Variants in HELZ2 observed in about 807,000 individuals in gnomAD.
HELZ2 encodes 3'-5' exoribonuclease HELZ2.
A neutral mutation model predicts 208.8 loss-of-function variants in HELZ2; 143 were observed. The ratio of observed to expected loss-of-function variants is 0.68; its 90% CI spans 0.60 to 0.79. The LOEUF (loss-of-function observed/expected upper bound fraction) is 0.79. HELZ2 is among the 30% of genes least tolerant of loss of function. HELZ2 has a pLI of 0.00. For synonymous variants in HELZ2, 1,705 were observed against 1,693.7 expected (o/e 1.01, Z -0.16); for missense variants, 3,690 against 3,794.5 (o/e 0.97, Z 0.72).
rs541545442 is a variant in HELZ2, at chr20:63,563,402, G to A, written c.5420C>T (p.Pro1807Leu). The A allele has an allele frequency of 4.9e-5, 75 of 1,535,696 alleles. 4 individuals carry two copies. In the South Asian group the frequency reaches 7.0e-4, roughly 14 times the overall value. ...CACAGTGCCAGGCAGTGGCAGGGGC[G>A]GGCTGGATCCCTGCGCTGAGTAGAC... The change falls in exon 8 of 19, where the codon CCG becomes CTG. Residue 1807 changes from proline to leucine, a missense_variant. Transcript: ENST00000467148.
chr20:63,561,834 T>C, exon 11 of HELZ2: 1 of 1,562,382 alleles, frequency 6.4e-7, no homozygotes, highest in Non-Finnish European at 8.7e-7. Flanking sequence ...TGCCAGGACA[T>C]CCACCGACTT....
At chr20:63,563,225 T>C (rs2146010523) in exon 8 of HELZ2, 7 of 1,571,468 alleles carry the variant, frequency 4.5e-6, no homozygotes, top group Non-Finnish European at 6.0e-6. Flanking sequence ...ATGGCCACAG[T>C]GGCTCCGCTG....
In HELZ2 at chr20:63,564,806, G is replaced by A. The variant is rs1233920303; in HGVS notation, c.4016C>T (p.Ala1339Val). The A allele has an allele frequency of 2.5e-6, 4 of 1,609,682 alleles. No homozygotes were observed. In the African/African-American group the frequency reaches 5.3e-5, roughly 22 times the overall value. The change falls in exon 8 of 19, where the codon GCC becomes GTC. Residue 1339 changes from alanine to valine, a missense_variant. By Grantham distance (64) the Ala-to-Val change is moderately conservative. This residue lies in a region of HELZ2 where 2,564 missense variants were observed against 2,580.5 expected (regional missense o/e 0.99). Coordinates refer to ENST00000467148, the Ensembl canonical transcript of HELZ2. Reference sequence around the variant, plus strand: ...GGGGTCCACAGTGAAGGTCAAGAAGGCGCGGCAGTCCTCTCGGCGGCCGGC... The same window carrying A: ...GGGGTCCACAGTGAAGGTCAAGAAGACGCGGCAGTCCTCTCGGCGGCCGGC...
chr20:63,560,175 G>T, exon 17 of HELZ2: 1 of 1,554,128 alleles, frequency 6.4e-7, no homozygotes, highest in Non-Finnish European at 8.7e-7. Flanking sequence ...CCTCACCCTG[G>T]CTCTTGGTGA....
chr20:63,563,176 G>C, exon 8 of HELZ2: 1 of 1,592,610 alleles, frequency 6.3e-7, no homozygotes, highest in South Asian at 1.1e-5. Flanking sequence ...GCACCTGCAG[G>C]GTGTCCCCAC....
At chr20:63,562,922 T>C (rs965930804) in exon 8 of HELZ2, 24 of 1,594,718 alleles carry the variant, frequency 1.5e-5, no homozygotes, top group Non-Finnish European at 2.0e-5. Context: ...ACTCAGGTGC[T>C]GAAGTGTGAC....
At chr20:63,562,956 C>G (rs759307916) in exon 8 of HELZ2, 1 of 1,590,470 alleles carries the variant, frequency 6.3e-7, no homozygotes, top group African/African-American at 1.3e-5. Flanking sequence ...GCAACCGCGC[C>G]GGTGGCCGAC....
rs766805660 is a variant in HELZ2 at position 63,564,603 on chromosome 20, G to A, written c.4219C>T (p.Leu1407=). The change falls in exon 8 of 19, where the codon CTG becomes TTG. Residue 1407 remains leucine, a synonymous_variant. Coordinates refer to ENST00000467148, the Ensembl canonical transcript of HELZ2. ...ACGTCCTGGCAGAGGCTGGCCGGCA[G>A]CATGGGCACTGGCTCCCTGCCGGGG... The A allele has an allele frequency of 6.4e-6, 10 of 1,567,620 alleles. No homozygotes were observed. In the East Asian group the frequency reaches 1.4e-4, roughly 22 times the overall value.
upstream of HELZ2, chr20:63,572,533 G>T: frequency 1.2e-6 from 1 of 836,590 alleles, no homozygotes; most frequent in Non-Finnish European, 1.8e-6. Flanking sequence ...GGCCCTCGGC[G>T]CTCACGTGGG....
At position 63,571,363 on chromosome 20, in the gene HELZ2, C is replaced by T. The variant is rs112279885; in HGVS notation, c.279-495G>A. The T allele has an allele frequency of 3.8e-3, 361 of 94,530 alleles. 5 individuals carry two copies. The highest frequency in any genetic ancestry group is 5.3e-3 in the African/African-American group (82 of 15,394). The allele number at this position is 94,530 out of a possible 1,614,324, so 5.9% of individuals were successfully genotyped here. A position where few individuals can be genotyped will look rare whatever the true frequency, so the allele number is the denominator to read the frequency against. On this transcript the variant is annotated intron_variant, in intron 1 of 18. Coordinates refer to ENST00000467148, the Ensembl canonical transcript of HELZ2. ...CTCTGCCTGTGGTGGGCTCCTGCCCCGCTCCAAGCTCCTGGGAACCTCTGG... is the reference window on the plus strand; with the variant it reads ...CTCTGCCTGTGGTGGGCTCCTGCCCTGCTCCAAGCTCCTGGGAACCTCTGG...
At chr20:63,563,813 C>A in exon 8 of HELZ2, 1 of 1,600,670 alleles carries the variant, frequency 6.2e-7, no homozygotes, top group Non-Finnish European at 8.5e-7. Flanking sequence ...CGAGGTGGCC[C>A]ACGTGTACCA....
chr20:63,562,160 G>C, exon 10 of HELZ2: 2 of 1,611,826 alleles, frequency 1.2e-6, no homozygotes, highest in South Asian at 2.2e-5. Context: ...GGCGGCCTCC[G>C]GGGATGTTGT....
exon 8 of HELZ2, chr20:63,565,277 G>T (rs766699437): frequency 3.1e-6 from 5 of 1,605,480 alleles, no homozygotes; most frequent in Non-Finnish European, 4.2e-6. Context: ...CCCCTCGGGC[G>T]CCTTGTCTCC....
intron 7 of HELZ2, 24 bp from the exon 9 acceptor site, chr20:63,566,255 C>G: frequency 6.7e-7 from 1 of 1,491,388 alleles, no homozygotes; most frequent in Non-Finnish European, 9.0e-7. Context: ...GCAGTCAGGT[C>G]AGGCTGGGTG....
intron 2 of HELZ2, 36 bp from the exon 4 acceptor site, chr20:63,570,647 A>ACGG: frequency 3.3e-6 from 5 of 1,497,360 alleles, no homozygotes; most frequent in Non-Finnish European, 3.7e-6. Flanking sequence ...AGAGGCCTGG[A>ACGG]CCCCACCCCA....
chr20:63,563,565 A>G, exon 8 of HELZ2: 1 of 1,523,528 alleles, frequency 6.6e-7, no homozygotes, highest in Non-Finnish European at 8.8e-7. Flanking sequence ...AGCCGGAAGC[A>G]GCGGGAGCCC....
upstream of HELZ2, chr20:63,572,710 G>A (rs879208519): frequency 6.6e-5 from 23 of 346,158 alleles, no homozygotes; most frequent in South Asian, 1.2e-3. Context: ...CCTGGGCCCC[G>A]CTGCCCTGCA....
intron 2 of HELZ2, 36 bp from the exon 4 acceptor site, chr20:63,570,647 A>ACGGC: frequency 6.7e-7 from 1 of 1,497,366 alleles, no homozygotes; most frequent in Non-Finnish European, 9.2e-7. Flanking sequence ...AGAGGCCTGG[A>ACGGC]CCCCACCCCA....
chr20:63,565,754 G>T, exon 8 of HELZ2: 1 of 1,602,232 alleles, frequency 6.2e-7, no homozygotes. Flanking sequence ...TGCTGGTGCT[G>T]CCGCAGCCTC....
Sources: allele counts gnomAD v4.1 joint callset, GRCh38; gene constraint gnomAD v4.1.1; regional missense constraint gnomAD v4.1.1; transcripts MANE v1.5; gene names NCBI Gene and HGNC (gene_info 2026-07-23, HGNC 2026-07-21).